The following RAPH1 variants were observed in gnomAD, a reference collection of about 807,000 sequenced individuals.
The protein encoded by RAPH1 is Ras association (RalGDS/AF-6) and pleckstrin homology domains 1.
A neutral mutation model predicts 88.1 loss-of-function variants in RAPH1; 18 were observed. The observed-to-expected ratio is 0.20, with a 90% CI of 0.14 to 0.30. RAPH1 has a LOEUF of 0.30. Among genes scored for constraint, RAPH1 ranks in the 10% least tolerant of loss-of-function variants. The pLI, the probability that RAPH1 is intolerant of heterozygous loss-of-function variation, is 1.00. For missense variants in RAPH1, 1,448 were observed against 1,543.2 expected (o/e 0.94, Z 1.03); for synonymous variants, 587 against 559.0 (o/e 1.05, Z -0.71).
At chr2:203,515,985 T>C (rs75478871) in intron 1 of RAPH1, among the ~76,000 whole-genome samples, 96 of 152,334 alleles carry the variant, frequency 6.3e-4, no homozygotes, top group South Asian at 1.2e-3. Flanking sequence ...TCTTCTTAAT[T>C]GATCTAAAGA....
chr2:203,489,633 G>A lies in RAPH1; in HGVS notation c.683C>T (p.Thr228Ile), dbSNP rs1688152279. The A allele has an allele frequency of 6.2e-7, 1 of 1,612,124 alleles. No homozygotes were observed. Among genetic ancestry groups the A allele is most frequent in the Admixed American group, 1.7e-5 (1 of 59,982 alleles). Residue 228 changes from threonine (T) to isoleucine (I), a missense_variant, in exon 4 of 14, where the codon ACA (threonine) becomes ATA (isoleucine). Around this residue, in one of 2 missense-constraint regions of RAPH1, gnomAD observed 513 missense variants for 653.1 expected, o/e 0.79. Transcript: ENST00000319170. ...SMDSLDIDKV[T>I]RPQELDLTHQ... Reference sequence around the variant, plus strand: ...TGTCAAATCCAGCTCTTGAGGGCGTGTTACTTTATCAATATCCAAAGAGTC... The same window carrying A: ...TGTCAAATCCAGCTCTTGAGGGCGTATTACTTTATCAATATCCAAAGAGTC...
rs557923508 is a variant in RAPH1 at position 203,525,268 on chromosome 2, C to G, written c.-1+9843G>C. Among the ~76,000 whole-genome samples, 5 of 152,284 alleles carry G rather than the reference C, an allele frequency of 3.3e-5. No individual in the cohort carries two copies. In the South Asian group the frequency reaches 8.3e-4, roughly 25 times the overall value. ...TGGCACAATCTTGGCTCACTGCAGC[C>G]TCCGCCTCCTGGGTTCAAGCGATTC... On this transcript the variant is annotated intron_variant, in intron 1 of 13. Transcript: ENST00000319170.
chr2:203,514,733 T>C (rs978401405), intron 1 of RAPH1, among the ~76,000 whole-genome samples: 5 of 152,036 alleles, frequency 3.3e-5, no homozygotes, highest in Non-Finnish European at 5.9e-5. Context: ...TTTTTGTATT[T>C]TTAGTAGAGA....
chr2:203,485,727 C>G (rs1053535883), intron 4 of RAPH1, among the ~76,000 whole-genome samples: 5 of 152,112 alleles, frequency 3.3e-5, no homozygotes, highest in Non-Finnish European at 7.3e-5. Context: ...TTTTGTCCTA[C>G]AAGCAACATG....
chr2:203,489,113 T>C (rs570242259), intron 4 of RAPH1, among the ~76,000 whole-genome samples: 1 of 148,326 alleles, frequency 6.7e-6, no homozygotes, highest in Admixed American at 6.8e-5. Flanking sequence ...GCATGAGTTG[T>C]ACAAGAGTAC....
chr2:203,529,011 T>A (rs1375460103), intron 1 of RAPH1, among the ~76,000 whole-genome samples: 1,148 of 104,432 alleles, frequency 0.011, 2 homozygotes, highest in Non-Finnish European at 0.018. Context: ...ATATATTTTT[T>A]TTTTTTTTTT....
intron 7 of RAPH1, among the ~76,000 whole-genome samples, chr2:203,458,845 C>T (rs1258776757): frequency 6.6e-6 from 1 of 152,134 alleles, no homozygotes; most frequent in East Asian, 1.9e-4. Flanking sequence ...TCAGTGCAAG[C>T]TCCGACTCCC....
chr2:203,452,745 T>C (rs1296568433), intron 10 of RAPH1, among the ~76,000 whole-genome samples: 2 of 152,162 alleles, frequency 1.3e-5, no homozygotes, highest in Non-Finnish European at 2.9e-5. Flanking sequence ...GCGGATCACT[T>C]GAGGCCAGTC....
intron 9 of RAPH1, 87 bp downstream of exon 9, chr2:203,455,350 C>T: frequency 8.1e-7 from 1 of 1,227,200 alleles, no homozygotes; most frequent in East Asian, 2.4e-5. Flanking sequence ...CAAATCATAG[C>T]CTGGGTTCAC....
chr2:203,509,387 A>G (rs1400479546), intron 1 of RAPH1, among the ~76,000 whole-genome samples: 1 of 152,186 alleles, frequency 6.6e-6, no homozygotes, highest in African/African-American at 2.4e-5. Flanking sequence ...TTTTTTAAAA[A>G]GTTCGTTAAC....
chr2:203,461,934 A>G lies in RAPH1; in HGVS notation c.733-9T>C. 6.2e-7 allele frequency: 1 copy of G among 1,604,532 alleles called. No individual in the cohort carries two copies. Among genetic ancestry groups the G allele is most frequent in the East Asian group, 2.2e-5 (1 of 44,546 alleles). On this transcript the variant is annotated splice_polypyrimidine_tract_variant and intron_variant, in intron 4 of 13. Transcript: ENST00000319170. ...TTTGCTGCCTGTTCTTCCTGTGAAC[A>G]CAAAGCATTTCAGATAAACAATGCT...
Position 203,448,866 on chromosome 2 carries a change from G to A in RAPH1, c.1414-30C>T. ...AAGATTAAAGACAAAATCCAACTAAGTCCCTTGGAGAACTAAAGAAAAACA... is the reference window on the plus strand; with the variant it reads ...AAGATTAAAGACAAAATCCAACTAAATCCCTTGGAGAACTAAAGAAAAACA... On this transcript the variant is annotated intron_variant, in intron 10 of 13. Coordinates refer to ENST00000319170, the MANE Select transcript of RAPH1 (RefSeq NM_213589.3). This position sits in a 1 kb window ranked among gnomAD's most constrained non-coding sequence, Gnocchi z 4.1. 1 of 1,473,762 alleles carries A rather than the reference G, an allele frequency of 6.8e-7. No individual in the cohort carries two copies. The highest frequency in any genetic ancestry group is 9.4e-7 in the Non-Finnish European group (1 of 1,065,840). 91.3% of individuals were successfully genotyped at this position (1,473,762 alleles called of 1,614,324 possible). A position where few individuals can be genotyped will look rare whatever the true frequency, so the allele number is the denominator to read the frequency against.
chr2:203,501,644 A>G (rs997638349), intron 1 of RAPH1, among the ~76,000 whole-genome samples: 16 of 152,060 alleles, frequency 1.1e-4, no homozygotes, highest in African/African-American at 3.6e-4. Context: ...CTCTTAATTT[A>G]TAAAGTAGAT....
Position 203,495,599 on chromosome 2 carries a change from A to C in RAPH1, c.1-246T>G, listed in dbSNP as rs138660247. Among the ~76,000 whole-genome samples the C allele has an allele frequency of 3.2e-4, 48 of 152,264 alleles. 1 individual carries two copies. The highest frequency in any genetic ancestry group is 3.4e-3 in the Middle Eastern group (1 of 294). ...GAAAAGCCAACAGTATCAAATTATG[A>C]CCAGAATCGCATTACTAAAAAAATT... On this transcript the variant is annotated intron_variant, in intron 1 of 13. Coordinates refer to ENST00000319170, the MANE Select transcript of RAPH1 (RefSeq NM_213589.3).
At chr2:203,494,910 G>T (rs764879276) in intron 2 of RAPH1, among the ~76,000 whole-genome samples, 17 of 151,818 alleles carry the variant, frequency 1.1e-4, no homozygotes, top group African/African-American at 1.7e-4. Flanking sequence ...AGGTAACAGG[G>T]TTTTCTAAAA....
intron 1 of RAPH1, among the ~76,000 whole-genome samples, chr2:203,497,962 G>A (rs985522344): frequency 1.3e-5 from 2 of 152,006 alleles, no homozygotes; most frequent in African/African-American, 4.8e-5. Context: ...TACTCAAATA[G>A]GTGCTAGTTT....
chr2:203,440,274 G>A lies in RAPH1; in HGVS notation c.2916C>T (p.Pro972=). 6.2e-7 allele frequency: 1 copy of A among 1,613,902 alleles called. No individual in the cohort carries two copies. The highest frequency in any genetic ancestry group is 8.5e-7 in the Non-Finnish European group (1 of 1,180,010). Residue 972 remains proline, a synonymous_variant, in exon 14 of 14, where the codon CCC becomes CCT. Transcript: ENST00000319170. ...TGCTGGAGTTGCGCTGTGGGGTTGG[G>A]GGTGGTTTCTTTCCCCCAGGGCTGG... ...KTSSPGGKKP[P]PTPQRNSSIK... is the part of the protein sequence containing the mutation.
intron 10 of RAPH1, among the ~76,000 whole-genome samples, chr2:203,453,096 C>T (rs1428252307): frequency 6.6e-6 from 1 of 152,160 alleles, no homozygotes; most frequent in African/African-American, 2.4e-5. Context: ...ATTTTGACAT[C>T]ATGGTCTTAG....
intron 4 of RAPH1, among the ~76,000 whole-genome samples, chr2:203,471,548 G>C (rs1046003603): frequency 6.6e-6 from 1 of 152,030 alleles, no homozygotes; most frequent in East Asian, 1.9e-4. Flanking sequence ...GGAGGCAGAG[G>C]TTTCAGTGAG....
Sources: gnomAD v4.1 joint callset for allele counts (sites outside exome capture counted in the v4.1 genomes callset) on GRCh38, gnomAD v4.1.1 for gene constraint, gnomAD v4.1.1 regional missense constraint, Gnocchi (gnomAD v3.1) non-coding constraint, MANE v1.5 for transcripts, NCBI Gene and HGNC (gene_info 2026-07-23, HGNC 2026-07-21) for gene names.